The following APC variants were observed in gnomAD, a reference collection of about 807,000 sequenced individuals.
APC encodes adenomatous polyposis coli protein.
A neutral mutation model predicts 247.0 loss-of-function variants in APC; 72 were observed. That is an observed-to-expected ratio of 0.29 (90% CI 0.24 to 0.35). APC has a LOEUF of 0.35. Among genes scored for constraint, APC ranks in the 10% least tolerant of loss-of-function variants. The pLI is 1.00. For synonymous variants in APC, 1,254 were observed against 1,162.5 expected (o/e 1.08, Z -1.60); for missense variants, 3,400 against 3,360.7 (o/e 1.01, Z -0.29).
At chr5:112,759,147 A>G (rs529987865) in intron 2 of APC, among the ~76,000 whole-genome samples, 12 of 152,216 alleles carry the variant, frequency 7.9e-5, no homozygotes, top group Non-Finnish European at 1.5e-4. Context: ...ACCGAGATCA[A>G]CATTTCAGAA....
chr5:112,829,152 T>A, intron 14 of APC, 180 bp downstream of exon 14: 1 of 536,322 alleles, frequency 1.9e-6, no homozygotes, highest in Non-Finnish European at 3.4e-6. Context: ...CCTAATTTCT[T>A]TTTTGAGATG....
intron 4 of APC, 145 bp from the exon 5 acceptor site, chr5:112,775,484 T>G: frequency 1.8e-6 from 1 of 558,332 alleles, no homozygotes; most frequent in East Asian, 2.9e-5. Flanking sequence ...CCTTTAAAAA[T>G]TGAAATCAAT....
chr5:112,711,864 T>G (rs1422305055), intron 1 of APC, among the ~76,000 whole-genome samples: 1 of 152,168 alleles, frequency 6.6e-6, no homozygotes, highest in Non-Finnish European at 1.5e-5. Flanking sequence ...TCCTTGTGTT[T>G]GGGCTTTAGA....
At chr5:112,726,875 T>C (rs888061530) in intron 1 of APC, among the ~76,000 whole-genome samples, 18 of 152,172 alleles carry the variant, frequency 1.2e-4, no homozygotes, top group African/African-American at 4.3e-4. Flanking sequence ...TTTAAAACAT[T>C]GATCTATTTT....
intron 5 of APC, among the ~76,000 whole-genome samples, chr5:112,776,315 A>G (rs1285763870): frequency 6.6e-6 from 1 of 152,216 alleles, no homozygotes; most frequent in Non-Finnish European, 1.5e-5. Context: ...CTGAACCAGT[A>G]AAACATATAC....
chr5:112,777,875 C>A (rs535798542), intron 5 of APC: 8 of 218,302 alleles, frequency 3.7e-5, no homozygotes, highest in African/African-American at 1.9e-4. Flanking sequence ...CCCTTCTCTT[C>A]TTTGATTTAC....
At chr5:112,749,895 C>G (rs1248324641) in intron 1 of APC, among the ~76,000 whole-genome samples, 1 of 146,888 alleles carries the variant, frequency 6.8e-6, no homozygotes, top group Non-Finnish European at 1.5e-5. Context: ...TTTCCTGTCT[C>G]TAATCATACT....
intron 13 of APC, among the ~76,000 whole-genome samples, 175 bp downstream of exon 13, chr5:112,828,181 A>C (rs1156925767): frequency 6.6e-6 from 1 of 152,088 alleles, no homozygotes; most frequent in Non-Finnish European, 1.5e-5. Context: ...CTACAGGTGC[A>C]CACCACCATG....
intron 15 of APC, among the ~76,000 whole-genome samples, chr5:112,836,880 T>C (rs1765000197): frequency 6.6e-6 from 1 of 151,944 alleles, no homozygotes; most frequent in Non-Finnish European, 1.5e-5. Context: ...TTTGTATTTT[T>C]AGTAGAGACA....
rs1756331894 is a variant in APC, at chr5:112,766,390, AT to A, written c.203del (p.Leu68TyrfsTer2). On this transcript the variant is annotated frameshift_variant, in exon 3 of 16. Transcript: ENST00000257430. LOFTEE classifies it high-confidence loss of function. The stretch of plus-strand genomic sequence containing the variant: ...GCTATGGCTTCTTCTGGACAGATTG[AT>A]TTATTAGAGCGTCTTAAAGGTAGAT... ...DEAMASSGQIDLLERLKELNL... is the reference protein window; with the variant it reads ...DEAMASSGQIXLLERLKELNL... 1.2e-6 allele frequency: 2 copies of A among 1,611,250 alleles called. No individual in the cohort carries two copies. Among genetic ancestry groups the A allele is most frequent in the Non-Finnish European group, 1.7e-6 (2 of 1,177,606 alleles).
intron 1 of APC, among the ~76,000 whole-genome samples, chr5:112,724,093 T>C (rs1751634025): frequency 6.6e-6 from 1 of 152,224 alleles, no homozygotes; most frequent in East Asian, 1.9e-4. Context: ...CTTTATGATC[T>C]CTTATTGTTA....
In APC at chr5:112,839,953, T is replaced by C. The variant is rs369121091; in HGVS notation, c.4359T>C (p.Pro1453=). The C allele has an allele frequency of 1.9e-6, 3 of 1,613,896 alleles. No homozygotes were observed. The highest frequency in any genetic ancestry group is 2.7e-5 in the African/African-American group (2 of 74,876). ...CAGCTCAAACCAAGCGAGAAGTACCTAAAAATAAAGCACCTACTGCTGAAA... is the reference window on the plus strand; with the variant it reads ...CAGCTCAAACCAAGCGAGAAGTACCCAAAAATAAAGCACCTACTGCTGAAA... The part of the protein sequence containing the change: ...PQTAQTKREV[P]KNKAPTAEKR... The change falls in exon 16 of 16, where the codon CCT becomes CCC. Residue 1453 remains proline (P), a synonymous_variant. Transcript: ENST00000257430. The surrounding 1 kb of genome is among the most constrained non-coding windows in gnomAD (Gnocchi z 5.0).
At chr5:112,707,760 G>A (rs2149630664) in exon 1 of APC, 1 of 1,370,594 alleles carries the variant, frequency 7.3e-7, no homozygotes. Flanking sequence ...CCCTTTGCCC[G>A]CTTCTGTACC....
rs747634179 is a variant in APC at position 112,801,293 on chromosome 5, C to T, written c.744C>T (p.Asn248=). The T allele has an allele frequency of 1.9e-6, 3 of 1,612,694 alleles. No individual in the cohort carries two copies. In the Admixed American group the frequency reaches 5.0e-5, roughly 27 times the overall value. The change falls in exon 8 of 16, where the codon AAC becomes AAT. Residue 248 remains asparagine, a synonymous_variant. Transcript: ENST00000257430. ...QATEAERSSQ[N]KHETGSHDAE... ...CATCTTAACAGAGGTCATCTCAGAA[C>T]AAGCATGAAACCGGCTCACATGATG...
chr5:112,798,997 G>T (rs1247612472), intron 7 of APC, among the ~76,000 whole-genome samples: 1 of 151,918 alleles, frequency 6.6e-6, no homozygotes, highest in Non-Finnish European at 1.5e-5. Flanking sequence ...ATCACCTGAG[G>T]TCAGGAGTTC....
At chr5:112,832,118 A>G (rs182151166) in intron 14 of APC, among the ~76,000 whole-genome samples, 119 of 152,222 alleles carry the variant, frequency 7.8e-4, no homozygotes, top group African/African-American at 2.6e-3. Context: ...TACTTGTATT[A>G]ATAACCTCTA....
At position 112,843,742 on chromosome 5, in the gene APC, G is replaced by A. The variant is rs1158207177; in HGVS notation, c.8148G>A (p.Val2716=). ...ATGGCAGTGTTCCCATGCGTACCGT[G>A]GGTTTGGAAAATCGCCTGAACTCCT... ...VGNGSVPMRT[V]GLENRLNSFI... The change falls in exon 16 of 16, where the codon GTG becomes GTA. Residue 2716 remains valine (V), a synonymous_variant. Coordinates refer to ENST00000257430, the MANE Select transcript of APC (RefSeq NM_000038.6). The surrounding 1 kb of genome is among the most constrained non-coding windows in gnomAD (Gnocchi z 4.8). 2.5e-6 allele frequency: 4 copies of A among 1,614,048 alleles called. No individual in the cohort carries two copies. The highest frequency in any genetic ancestry group is 3.4e-6 in the Non-Finnish European group (4 of 1,179,946).
At chr5:112,754,229 A>G (rs1333436752) in intron 1 of APC, among the ~76,000 whole-genome samples, 1 of 152,176 alleles carries the variant, frequency 6.6e-6, no homozygotes, top group Non-Finnish European at 1.5e-5. Flanking sequence ...AATAAATGTG[A>G]TTGAACTTTA....
chr5:112,773,779 C>T (rs868815982), intron 4 of APC, among the ~76,000 whole-genome samples: 1 of 152,048 alleles, frequency 6.6e-6, no homozygotes, highest in South Asian at 2.1e-4. Flanking sequence ...AAAGCACTAT[C>T]ATTTTTAATA....
Sources: gnomAD v4.1 joint callset for allele counts (sites outside exome capture counted in the v4.1 genomes callset) on GRCh38, gnomAD v4.1.1 for gene constraint, Gnocchi (gnomAD v3.1) non-coding constraint, MANE v1.5 for transcripts, NCBI Gene and HGNC (gene_info 2026-07-23, HGNC 2026-07-21) for gene names.